The following ZNF536 variants were observed in gnomAD, a reference collection of about 807,000 sequenced individuals.
ZNF536 encodes the protein zinc finger protein 536.
In ZNF536, 13 loss-of-function variants were observed where a neutral mutation model predicts 84.5. That is an observed-to-expected ratio of 0.15 (90% CI 0.10 to 0.24). The LOEUF is 0.24. ZNF536 is among the 10% of genes least tolerant of loss of function. ZNF536 has a pLI of 1.00. For synonymous variants in ZNF536, 811 were observed against 742.5 expected (o/e 1.09, Z -1.50); for missense variants, 1,536 against 1,747.5 (o/e 0.88, Z 2.16).
At chr19:30,621,971 T>A (rs1412388259) in intron 1 of ZNF536, among the ~76,000 whole-genome samples, 2 of 152,236 alleles carry the variant, frequency 1.3e-5, no homozygotes, top group Non-Finnish European at 2.9e-5. Context: ...ATATCCGCAC[T>A]CCTCAAAACA....
chr19:30,444,521 A>C lies in ZNF536; in HGVS notation c.959A>C (p.Glu320Ala). The stretch of plus-strand genomic sequence containing the variant: ...GAGGAGGAGCTCATCAGCCACGTGG[A>C]GAAGGCACACATCACGGCCGAGTCG... Reference protein sequence around the residue: ...SQEEELISHVEKAHITAESAQ... With the variant: ...SQEEELISHVAKAHITAESAQ... The change falls in exon 2 of 5, where the codon GAG becomes GCG. Residue 320 changes from glutamate (E) to alanine (A), a missense_variant. Around this residue, in one of 8 missense-constraint regions of ZNF536, gnomAD observed 61 missense variants for 104.0 expected, o/e 0.59. Transcript: ENST00000355537. The C allele has an allele frequency of 6.2e-7, 1 of 1,612,852 alleles. No homozygotes were observed. Among genetic ancestry groups the C allele is most frequent in the Non-Finnish European group, 8.5e-7 (1 of 1,179,900 alleles).
intron 2 of ZNF536, among the ~76,000 whole-genome samples, chr19:30,497,920 A>G (rs1248677272): frequency 2.0e-5 from 3 of 152,186 alleles, no homozygotes; most frequent in East Asian, 1.9e-4. Flanking sequence ...CATCAGCCAT[A>G]TGTAATCAAT....
intron 1 of ZNF536, among the ~76,000 whole-genome samples, chr19:30,592,243 G>T (rs1223413183): frequency 6.6e-6 from 1 of 152,156 alleles, no homozygotes; most frequent in African/African-American, 2.4e-5. Context: ...TTGTATAAAG[G>T]TATCGAGGCA....
upstream of ZNF536, among the ~76,000 whole-genome samples, chr19:30,225,696 G>GC (rs1555768695): frequency 7.1e-6 from 1 of 141,292 alleles, no homozygotes; most frequent in African/African-American, 2.6e-5. Flanking sequence ...GTGGGGGGGG[G>GC]ATCGCGGGGC....
chr19:30,575,662 G>A (rs914392396), intron 1 of ZNF536, among the ~76,000 whole-genome samples: 1 of 152,220 alleles, frequency 6.6e-6, no homozygotes, highest in Non-Finnish European at 1.5e-5. Flanking sequence ...ATAACGGGTA[G>A]GTTAGATGGT....
In ZNF536 at chr19:30,534,920, G is replaced by A. The variant is rs200663707; in HGVS notation, c.2244G>A (p.Ser748=). The change falls in exon 3 of 5, where the codon TCG becomes TCA. Residue 748 remains serine (S), a synonymous_variant. Coordinates refer to ENST00000355537, the MANE Select transcript of ZNF536 (RefSeq NM_014717.3). The stretch of plus-strand genomic sequence containing the variant: ...TGCTTCGCGACAGAAGCCTGGGCTC[G>A]GCCATGAAGGACTGCCCGTACTGTG... The part of the protein sequence containing the change: ...PALLRDRSLG[S]AMKDCPYCGK... 1.7e-5 allele frequency: 27 copies of A among 1,613,932 alleles called. No individual in the cohort carries two copies. Among genetic ancestry groups the A allele is most frequent in the African/African-American group, 4.0e-5 (3 of 75,058 alleles).
intron 2 of ZNF536, among the ~76,000 whole-genome samples, chr19:30,303,792 C>T (rs376310370): frequency 2.4e-4 from 37 of 152,274 alleles, no homozygotes; most frequent in Middle Eastern, 3.4e-3. Context: ...CATGCCCAGC[C>T]GACACTTTTT....
chr19:30,617,333 C>CTTTTTTTTTTTTTTTTTTTTT lies in ZNF536; in HGVS notation c.169+67832_169+67852dup, dbSNP rs556835599. Among the ~76,000 whole-genome samples the CTTTTTTTTTTTTTTTTTTTTT allele has an allele frequency of 4.5e-4, 17 of 37,712 alleles. 5 individuals carry two copies. Among genetic ancestry groups the CTTTTTTTTTTTTTTTTTTTTT allele is most frequent in the Admixed American group, 1.6e-3 (3 of 1,918 alleles). 24.7% of individuals were successfully genotyped at this position (37,712 alleles called of 152,430 possible). A position where few individuals can be genotyped will look rare whatever the true frequency, so the allele number is the denominator to read the frequency against. ...GAGTCCACCATATCTGAATAGCTTA[C>CTTTTTTTTTTTTTTTTTTTTT]TTTTTTTTTTTTTTTTTTTTTTTTT... On this transcript the variant is annotated intron_variant, in intron 1 of 1. Coordinates refer to the ZNF536 transcript ENST00000592773.
intron 2 of ZNF536, among the ~76,000 whole-genome samples, chr19:30,455,528 C>T (rs2052799499): frequency 6.6e-6 from 1 of 152,088 alleles, no homozygotes; most frequent in Non-Finnish European, 1.5e-5. Flanking sequence ...ATAGCGAAAC[C>T]CTGTCTCTAC....
chr19:30,533,547 T>G (rs1483371848), intron 2 of ZNF536, among the ~76,000 whole-genome samples: 1 of 151,768 alleles, frequency 6.6e-6, no homozygotes, highest in Non-Finnish European at 1.5e-5. Flanking sequence ...ATTAAATGTG[T>G]TGTCCTTCAT....
At chr19:30,565,536 A>G (rs2046319716) in intron 1 of ZNF536, among the ~76,000 whole-genome samples, 1 of 152,212 alleles carries the variant, frequency 6.6e-6, no homozygotes, top group Admixed American at 6.5e-5. Context: ...TGAGGCCAAG[A>G]GATGCTAGAT....
At chr19:30,407,419 C>T (rs552478245) in intron 1 of ZNF536, among the ~76,000 whole-genome samples, 1 of 152,328 alleles carries the variant, frequency 6.6e-6, no homozygotes, top group East Asian at 1.9e-4. Context: ...GGGCTCCCCA[C>T]ACACCCAGCA....
intron 1 of ZNF536, among the ~76,000 whole-genome samples, chr19:30,384,456 G>A (rs541910337): frequency 6.0e-5 from 9 of 151,012 alleles, no homozygotes; most frequent in Admixed American, 5.9e-4. Flanking sequence ...AGGTGTCATG[G>A]CCAAGACCCT....
intron 1 of ZNF536, among the ~76,000 whole-genome samples, chr19:30,611,968 C>T (rs932981689): frequency 2.6e-5 from 4 of 152,078 alleles, no homozygotes; most frequent in African/African-American, 7.2e-5. Flanking sequence ...CTCCTGTGCA[C>T]GGATCTTTTG....
intron 1 of ZNF536, among the ~76,000 whole-genome samples, chr19:30,580,841 C>T (rs1036529904): frequency 6.6e-6 from 1 of 151,978 alleles, no homozygotes; most frequent in Non-Finnish European, 1.5e-5. Flanking sequence ...CTGCTGGTGA[C>T]CCCACTGACA....
intron 1 of ZNF536, among the ~76,000 whole-genome samples, chr19:30,579,150 T>C (rs564624444): frequency 7.5e-4 from 115 of 152,330 alleles, no homozygotes; most frequent in Non-Finnish European, 1.3e-3. Flanking sequence ...TCACTATCTG[T>C]GTTCTATCTT....
intron 1 of ZNF536, among the ~76,000 whole-genome samples, chr19:30,672,479 C>T (rs1490615757): frequency 6.6e-6 from 1 of 152,200 alleles, no homozygotes; most frequent in East Asian, 1.9e-4. Flanking sequence ...ATTATTTCCA[C>T]AGCAAAGCAT....
At chr19:30,309,027 A>G (rs1019842231) in intron 2 of ZNF536, among the ~76,000 whole-genome samples, 4 of 152,154 alleles carry the variant, frequency 2.6e-5, no homozygotes, top group Non-Finnish European at 4.4e-5. Flanking sequence ...TCCTCAGGCA[A>G]CAGCAAGACT....
At chr19:30,599,174 CCTCT>C (rs1272875926) in intron 1 of ZNF536, among the ~76,000 whole-genome samples, 1 of 120,098 alleles carries the variant, frequency 8.3e-6, no homozygotes, top group South Asian at 3.4e-4. Context: ...CTCTTTCCCT[CCTCT>C]CTGTCTCGTT....
Sources: gnomAD v4.1 joint callset for allele counts (sites outside exome capture counted in the v4.1 genomes callset) on GRCh38, gnomAD v4.1.1 for gene constraint, gnomAD v4.1.1 regional missense constraint, MANE v1.5 for transcripts, NCBI Gene and HGNC (gene_info 2026-07-23, HGNC 2026-07-21) for gene names.